The following RERE variants were observed in gnomAD, a reference collection of about 807,000 sequenced individuals.
RERE encodes the protein arginine-glutamic acid dipeptide repeats.
In RERE, 40 loss-of-function variants were observed where a neutral mutation model predicts 146.1. That is an observed-to-expected ratio of 0.27 (90% CI 0.21 to 0.36). RERE has a LOEUF of 0.36. RERE is among the 10% of genes least tolerant of loss of function. RERE has a pLI of 1.00. For synonymous variants in RERE, 1,003 were observed against 866.0 expected, an observed-to-expected ratio of 1.16 and a Z score of -2.78; for missense variants, 1,933 against 2,138.7, an observed-to-expected ratio of 0.90 and a Z score of 1.90.
At chr1:8,427,102 C>T (rs1211149785) in intron 11 of RERE, among the ~76,000 whole-genome samples, 4 of 152,152 alleles carry the variant, frequency 2.6e-5, no homozygotes, top group Non-Finnish European at 2.9e-5. Flanking sequence ...GCAATCCTCC[C>T]GCTTTGACCT....
chr1:8,416,586 CAAA>C (rs5772324), intron 12 of RERE, among the ~76,000 whole-genome samples: 2 of 105,954 alleles, frequency 1.9e-5, no homozygotes, highest in Non-Finnish European at 3.7e-5. Context: ...ACTCCATCTC[CAAA>C]AAAAAAAAAA....
intron 1 of RERE, among the ~76,000 whole-genome samples, chr1:8,700,103 G>A (rs1414125498): frequency 2.0e-5 from 3 of 152,004 alleles, no homozygotes; most frequent in Non-Finnish European, 4.4e-5. Context: ...TCAGGAGTTC[G>A]AGACCAACCT....
intron 1 of RERE, among the ~76,000 whole-genome samples, chr1:8,670,732 G>A (rs1471546820): frequency 1.3e-5 from 2 of 150,690 alleles, no homozygotes; most frequent in Non-Finnish European, 2.9e-5. Flanking sequence ...CAACAGCAAA[G>A]GGACATGGTG....
At chr1:8,571,660 G>A (rs1449388001) in intron 4 of RERE, among the ~76,000 whole-genome samples, 1 of 152,132 alleles carries the variant, frequency 6.6e-6, no homozygotes, top group Non-Finnish European at 1.5e-5. Flanking sequence ...CCAAAACAAA[G>A]ACGGTAACCT....
chr1:8,504,761 G>A (rs1645228607), intron 8 of RERE, among the ~76,000 whole-genome samples: 1 of 152,142 alleles, frequency 6.6e-6, no homozygotes, highest in Non-Finnish European at 1.5e-5. Context: ...GCTGAGGCAG[G>A]AGAATGGCTT....
chr1:8,386,015 T>TAA (rs1642658253), intron 12 of RERE, among the ~76,000 whole-genome samples: 1 of 41,218 alleles, frequency 2.4e-5, no homozygotes, highest in African/African-American at 1.0e-4. Flanking sequence ...TATATATATA[T>TAA]ATATATATTT....
intron 1 of RERE, among the ~76,000 whole-genome samples, chr1:8,712,926 G>A (rs895880967): frequency 2.0e-5 from 3 of 152,148 alleles, no homozygotes; most frequent in Admixed American, 6.5e-5. Flanking sequence ...AGCCTAAGGC[G>A]TCATGGTTGC....
At chr1:8,496,610 G>A (rs1214589190) in intron 9 of RERE, among the ~76,000 whole-genome samples, 3 of 152,190 alleles carry the variant, frequency 2.0e-5, no homozygotes, top group Non-Finnish European at 4.4e-5. Context: ...CCAAGACCCA[G>A]AATCACTACA....
chr1:8,531,301 G>A (rs190733569), intron 7 of RERE, among the ~76,000 whole-genome samples: 2 of 152,130 alleles, frequency 1.3e-5, no homozygotes, highest in East Asian at 3.9e-4. Flanking sequence ...AAATAAGTCA[G>A]GCGTGATGGC....
At chr1:8,786,081 C>G in intron 1 of RERE, 1 of 422,216 alleles carries the variant, frequency 2.4e-6, no homozygotes, top group Non-Finnish European at 4.4e-6. Flanking sequence ...CACTCCTCAT[C>G]AGTCTGCCTG....
chr1:8,456,594 T>C (rs1644456120), intron 11 of RERE, among the ~76,000 whole-genome samples: 1 of 152,200 alleles, frequency 6.6e-6, no homozygotes, highest in South Asian at 2.1e-4. Context: ...CAAGAATTCC[T>C]CATTAATTTG....
At chr1:8,446,568 G>A (rs940743948) in intron 11 of RERE, among the ~76,000 whole-genome samples, 3 of 152,182 alleles carry the variant, frequency 2.0e-5, no homozygotes, top group African/African-American at 4.8e-5. Context: ...TTAATATCCC[G>A]AAGAGTGTTT....
chr1:8,442,278 A>ATGAG (rs1487082602), intron 11 of RERE, among the ~76,000 whole-genome samples: 5 of 151,814 alleles, frequency 3.3e-5, no homozygotes, highest in Admixed American at 3.3e-4. Context: ...CCAGCTACTC[A>ATGAG]GGAGGCTGAA....
chr1:8,471,680 T>C (rs1033515761), intron 10 of RERE, among the ~76,000 whole-genome samples: 2 of 152,020 alleles, frequency 1.3e-5, no homozygotes. Context: ...GCCTGGCTAA[T>C]TTTTTTTATT....
Position 8,386,022 on chromosome 1 carries a change from A to ATTTTT in RERE, c.1285-20053_1285-20049dup, listed in dbSNP as rs60050106. The stretch of plus-strand genomic sequence containing the variant: ...TATATATATATATATATATATATAT[A>ATTTTT]TTTTTTTTTTTTTTTTTTTTTTTTT... On this transcript the variant is annotated intron_variant, in intron 12 of 22. Transcript: ENST00000400908. Among the ~76,000 whole-genome samples, 56 of 26,636 alleles carry ATTTTT rather than the reference A, an allele frequency of 2.1e-3. 2 individuals carry two copies. Among genetic ancestry groups the ATTTTT allele is most frequent in the Non-Finnish European group, 3.0e-3 (50 of 16,770 alleles). 17.5% of individuals were successfully genotyped at this position (26,636 alleles called of 152,430 possible).
chr1:8,514,946 C>CT (rs982140371), intron 7 of RERE, among the ~76,000 whole-genome samples: 42 of 152,324 alleles, frequency 2.8e-4, no homozygotes, highest in African/African-American at 9.4e-4. Context: ...TCAGCACTTA[C>CT]TATCTGTCCT....
At chr1:8,555,980 C>G (rs1646002381) in intron 6 of RERE, among the ~76,000 whole-genome samples, 1 of 152,084 alleles carries the variant, frequency 6.6e-6, no homozygotes, top group Non-Finnish European at 1.5e-5. Flanking sequence ...TAAATTTTGC[C>G]TGGGTTCTCA....
chr1:8,780,799 T>C (rs1641149817), intron 1 of RERE, among the ~76,000 whole-genome samples: 1 of 152,236 alleles, frequency 6.6e-6, no homozygotes, highest in South Asian at 2.1e-4. Flanking sequence ...ATGAGGACAA[T>C]GCTTCCTCTT....
rs2124370297 is a variant in RERE at position 8,361,786 on chromosome 1, T to A, written c.1993A>T (p.Ser665Cys). ...ACCTGCGTTTTTGTCTTCTTGGAGC[T>A]GGTCCTGTCAGCCTCCTCCGTATCA... ...ASDTEEADRTSSKKTKTQEIS... is the reference protein window; with the variant it reads ...ASDTEEADRTCSKKTKTQEIS... Residue 665 changes from serine to cysteine, a missense_variant, in exon 17 of 23, where the codon AGC becomes TGC. Around this residue, in one of 11 missense-constraint regions of RERE, gnomAD observed 1,255 missense variants for 1,153.8 expected, o/e 1.09. Transcript: ENST00000400908. 4 of 1,613,836 alleles carry A rather than the reference T, an allele frequency of 2.5e-6. No individual in the cohort carries two copies. The highest frequency in any genetic ancestry group is 3.4e-6 in the Non-Finnish European group (4 of 1,179,690).
Sources: allele counts gnomAD v4.1 joint callset (sites outside exome capture counted in the v4.1 genomes callset), GRCh38; gene constraint gnomAD v4.1.1; regional missense constraint gnomAD v4.1.1; transcripts MANE v1.5; gene names NCBI Gene and HGNC (gene_info 2026-07-23, HGNC 2026-07-21).